Variants in SLC36A2 observed in about 807,000 individuals in gnomAD.
The protein encoded by SLC36A2 is solute carrier family 36 member 2.
SLC36A2 carries 39 observed loss-of-function variants against 42.7 expected under a neutral mutation model. That is an observed-to-expected ratio of 0.91 (90% CI 0.71 to 1.19). SLC36A2 has a LOEUF of 1.19. SLC36A2 is among the 50% of genes most tolerant of loss of function. SLC36A2 has a pLI of 0.00. For synonymous variants in SLC36A2, 237 were observed against 240.8 expected, an observed-to-expected ratio of 0.98 and a Z score of 0.15; for missense variants, 590 against 613.7, an observed-to-expected ratio of 0.96 and a Z score of 0.41.
intron 5 of SLC36A2, among the ~76,000 whole-genome samples, chr5:151,337,941 A>G (rs1451307134): frequency 2.0e-5 from 3 of 152,224 alleles, no homozygotes; most frequent in Non-Finnish European, 4.4e-5. Context: ...GAAATACAGC[A>G]TAGGTTTAAG....
chr5:151,325,080 A>G, intron 8 of SLC36A2: 1 of 658,652 alleles, frequency 1.5e-6, no homozygotes, highest in South Asian at 1.7e-5. Flanking sequence ...CTAAGATGTC[A>G]AGGCTTAACT....
At chr5:151,334,214 C>G (rs1470149829) in intron 6 of SLC36A2, among the ~76,000 whole-genome samples, 1 of 152,150 alleles carries the variant, frequency 6.6e-6, no homozygotes, top group East Asian at 1.9e-4. Context: ...TCAGTGTCTT[C>G]TAAGGTATGT....
chr5:151,331,484 T>TA (rs1000880018), intron 7 of SLC36A2, among the ~76,000 whole-genome samples: 151 of 148,412 alleles, frequency 1.0e-3, no homozygotes, highest in African/African-American at 2.6e-4. Context: ...CCCAGCTAAT[T>TA]AAAAAATTTT....
intron 7 of SLC36A2, among the ~76,000 whole-genome samples, chr5:151,328,810 G>A (rs1042375831): frequency 6.6e-6 from 1 of 152,224 alleles, no homozygotes; most frequent in African/African-American, 2.4e-5. Context: ...TAAACTAAGT[G>A]TGAGATTCTT....
chr5:151,347,482 C>A lies in SLC36A2; in HGVS notation c.-22G>T. ...ACATGACTGCTTAAGAAACAAGGAG[C>A]TCGGGGTGACAAAGAGGTCTGCTCT... On this transcript the variant is annotated 5_prime_UTR_variant, in exon 1 of 10. Coordinates refer to ENST00000335244, the MANE Select transcript of SLC36A2 (RefSeq NM_181776.3). 5.0e-6 allele frequency: 8 copies of A among 1,612,910 alleles called. No individual in the cohort carries two copies. The highest frequency in any genetic ancestry group is 6.8e-6 in the Non-Finnish European group (8 of 1,179,934).
At chr5:151,323,247 A>ATAGT (rs1335701221) in intron 8 of SLC36A2, among the ~76,000 whole-genome samples, 1 of 122,756 alleles carries the variant, frequency 8.1e-6, no homozygotes, top group African/African-American at 3.2e-5. Flanking sequence ...AAATAAATAG[A>ATAGT]TAGATAGATA....
intron 5 of SLC36A2, among the ~76,000 whole-genome samples, chr5:151,338,427 A>C (rs1756218659): frequency 6.6e-6 from 1 of 152,164 alleles, no homozygotes; most frequent in Non-Finnish European, 1.5e-5. Flanking sequence ...CTATAATCCC[A>C]GTACTTTGGG....
rs1392614904 is a variant in SLC36A2, at chr5:151,344,227, C to G, written c.205G>C (p.Gly69Arg). The stretch of plus-strand genomic sequence containing the variant: ...AGGGGTAGTCCCAGGATCCCTGTGC[C>G]CATGTTGCCTTTCACCAGGTGAATC... The part of the protein sequence containing the change: ...ALIHLVKGNM[G>R]TGILGLPLAV... Residue 69 changes from glycine to arginine, a missense_variant, in exon 2 of 10, where the codon GGC (glycine) becomes CGC (arginine). By Grantham distance (125) the Gly-to-Arg change is moderately radical. Transcript: ENST00000335244. The G allele has an allele frequency of 6.2e-7, 1 of 1,614,158 alleles. No homozygotes were observed. The highest frequency in any genetic ancestry group is 8.5e-7 in the Non-Finnish European group (1 of 1,180,020).
rs1481924809 is a variant in SLC36A2 at position 151,325,890 on chromosome 5, ATTG to A, written c.844-441_844-439del. ...TGGCATGAGGAGAGTATGGGGAGTT[ATTG>A]TTTAATGGGTACAGAGTTTCAGTTT... On this transcript the variant is annotated intron_variant, in intron 7 of 9. Transcript: ENST00000335244. Among the ~76,000 whole-genome samples the A allele has an allele frequency of 2.0e-5, 3 of 152,316 alleles. No individual in the cohort carries two copies. In the East Asian group the frequency reaches 5.8e-4, roughly 29 times the overall value.
intron 5 of SLC36A2, among the ~76,000 whole-genome samples, chr5:151,336,459 CTTTTTTTTTTTT>C (rs769643262): frequency 8.8e-6 from 1 of 113,200 alleles, no homozygotes; most frequent in Admixed American, 9.2e-5. Flanking sequence ...TTCCCTCAAT[CTTTTTTTTTTTT>C]TTTTTTTTTG....
At chr5:151,323,632 C>T (rs565804257) in intron 8 of SLC36A2, among the ~76,000 whole-genome samples, 6 of 152,308 alleles carry the variant, frequency 3.9e-5, no homozygotes, top group South Asian at 2.1e-4. Flanking sequence ...GTTGACCTGC[C>T]GGACAAGGAG....
At position 151,325,299 on chromosome 5, in the gene SLC36A2, G is replaced by C. The variant is rs1339133772; in HGVS notation, c.997C>G (p.Leu333Val). 5.0e-6 allele frequency: 8 copies of C among 1,613,350 alleles called. No homozygotes were observed. The highest frequency in any genetic ancestry group is 6.8e-6 in the Non-Finnish European group (8 of 1,179,756). The change falls in exon 8 of 10, where the codon CTG becomes GTG. Residue 333 changes from leucine (L) to valine (V), a missense_variant. By Grantham distance (32) the Leu-to-Val change is conservative (BLOSUM62 1). Transcript: ENST00000335244. ...CCATGAAGATACCAGCAGTTAGGCA[G>C]GTTAAGGCTTATGCTGGCCTTGATG... ...DDIKASISLN[L>V]PNCWLYQSVK...
intron 9 of SLC36A2, among the ~76,000 whole-genome samples, chr5:151,318,503 AAAT>A (rs905187833): frequency 8.7e-6 from 1 of 114,560 alleles, no homozygotes; most frequent in African/African-American, 4.4e-5. Flanking sequence ...TCTATAATAA[AAAT>A]AAATAATAAA....
intron 6 of SLC36A2, among the ~76,000 whole-genome samples, chr5:151,333,559 T>G (rs1263637050): frequency 2.6e-5 from 4 of 152,140 alleles, no homozygotes; most frequent in Non-Finnish European, 5.9e-5. Flanking sequence ...GGAGGGAGTT[T>G]GGTTTATGAA....
intron 9 of SLC36A2, chr5:151,321,756 G>T (rs1185100875): frequency 1.3e-5 from 5 of 380,728 alleles, no homozygotes; most frequent in Non-Finnish European, 2.5e-5. Context: ...TCGGCTCACT[G>T]CAACCTCTGC....
intron 5 of SLC36A2, among the ~76,000 whole-genome samples, chr5:151,336,667 T>C (rs887346907): frequency 1.2e-4 from 18 of 151,854 alleles, no homozygotes; most frequent in African/African-American, 4.4e-4. Context: ...TGCCCAATCA[T>C]TGTGATAAAC....
chr5:151,345,471 G>A (rs922646101), intron 1 of SLC36A2, among the ~76,000 whole-genome samples: 10 of 152,162 alleles, frequency 6.6e-5, no homozygotes, highest in Non-Finnish European at 1.3e-4. Flanking sequence ...GGCTCAGGAA[G>A]CTTCATATTG....
At position 151,347,435 on chromosome 5, in the gene SLC36A2, C is replaced by A. The variant is rs748300954; in HGVS notation, c.26G>T (p.Gly9Val). Residue 9 changes from glycine (G) to valine (V), a missense_variant, in exon 1 of 10, where the codon GGT becomes GTT. Transcript: ENST00000335244. ...TTTGATGGCAACGGCTCCCTGGGGACCCTCAGTACTTTTTGTCACAGACAT... is the reference window on the plus strand; with the variant it reads ...TTTGATGGCAACGGCTCCCTGGGGAACCTCAGTACTTTTTGTCACAGACAT... MSVTKSTE[G>V]PQGAVAIKLD... The A allele has an allele frequency of 6.2e-7, 1 of 1,614,094 alleles. No individual in the cohort carries two copies. Among genetic ancestry groups the A allele is most frequent in the Non-Finnish European group, 8.5e-7 (1 of 1,180,036 alleles).
Position 151,338,681 on chromosome 5 carries a change from G to GAA in SLC36A2, c.525+377_525+378dup, listed in dbSNP as rs113529350. On this transcript the variant is annotated intron_variant, in intron 5 of 9. Transcript: ENST00000335244. The stretch of plus-strand genomic sequence containing the variant: ...ACAGAGCAATATCCTGTCTCAAAAA[G>GAA]AAAAAAAAAAAGAAAGAAAGATGAC... 1,517 of 182,010 alleles carry GAA rather than the reference G, an allele frequency of 8.3e-3. 20 individuals are homozygous for GAA. The highest frequency in any genetic ancestry group is 0.033 in the African/African-American group (1,299 of 38,802). The allele number at this position is 182,010 out of a possible 1,614,324, so 11.3% of individuals were successfully genotyped here. A position where few individuals can be genotyped will look rare whatever the true frequency, so the allele number is the denominator to read the frequency against.
Sources: allele counts gnomAD v4.1 joint callset (sites outside exome capture counted in the v4.1 genomes callset), GRCh38; gene constraint gnomAD v4.1.1; transcripts MANE v1.5; gene names NCBI Gene and HGNC (gene_info 2026-07-23, HGNC 2026-07-21).